SLC22A3: variants seen among roughly 807,000 people sequenced by gnomAD.
SLC22A3 encodes solute carrier family 22 member 3.
In SLC22A3, 51 loss-of-function variants were observed where a neutral mutation model predicts 59.1. The ratio of observed to expected loss-of-function variants is 0.86; its 90% CI spans 0.69 to 1.09. SLC22A3 has a LOEUF of 1.09. Ranked by LOEUF, SLC22A3 falls within the 50% of genes least tolerant of loss-of-function variation. SLC22A3 has a pLI of 0.00. For missense variants in SLC22A3, 711 were observed against 726.3 expected (o/e 0.98, Z 0.24); for synonymous variants, 325 against 292.0 (o/e 1.11, Z -1.15).
intron 8 of SLC22A3, 125 bp from the exon 9 acceptor site, chr6:160,443,505 T>C: frequency 2.8e-6 from 2 of 709,282 alleles, no homozygotes; most frequent in East Asian, 5.4e-5. Context: ...GTAGTCGTTT[T>C]CAAAGTTAGA....
At chr6:160,390,806 G>A (rs967025251) in intron 1 of SLC22A3, among the ~76,000 whole-genome samples, 3 of 152,144 alleles carry the variant, frequency 2.0e-5, no homozygotes, top group Non-Finnish European at 4.4e-5. Context: ...CCAGAAACTG[G>A]GTGGTTTCAG....
intron 9 of SLC22A3, among the ~76,000 whole-genome samples, chr6:160,444,635 C>T (rs572264036): frequency 3.9e-4 from 60 of 152,338 alleles, no homozygotes; most frequent in African/African-American, 1.4e-3. Context: ...TCCAGGGCTG[C>T]TCCAACGGTC....
At chr6:160,359,914 CT>C (rs1205390823) in intron 1 of SLC22A3, among the ~76,000 whole-genome samples, 2 of 152,106 alleles carry the variant, frequency 1.3e-5, no homozygotes, top group Non-Finnish European at 2.9e-5. Context: ...ATTATGACTC[CT>C]TTTTTGGATT....
At chr6:160,448,773 T>C (rs1276663332) in intron 10 of SLC22A3, among the ~76,000 whole-genome samples, 1 of 152,150 alleles carries the variant, frequency 6.6e-6, no homozygotes, top group Non-Finnish European at 1.5e-5. Flanking sequence ...GTGCCCTCTG[T>C]GGACACAAAT....
At chr6:160,413,203 A>G (rs1053935351) in intron 5 of SLC22A3, among the ~76,000 whole-genome samples, 3 of 152,150 alleles carry the variant, frequency 2.0e-5, no homozygotes, top group African/African-American at 7.2e-5. Flanking sequence ...CTGCTGTTAC[A>G]CATCCCATGA....
chr6:160,389,913 A>G (rs1786181401), intron 1 of SLC22A3, among the ~76,000 whole-genome samples: 1 of 152,182 alleles, frequency 6.6e-6, no homozygotes, highest in Non-Finnish European at 1.5e-5. Flanking sequence ...AGTGAAGTCT[A>G]ACGTGGTTGG....
rs1786586497 is a variant in SLC22A3 at position 160,398,091 on chromosome 6, C to A, written c.533+9C>A. ...GGCTATGCAGCAGACAGGTAGGTAC[C>A]AATGTGACAGCCATTTTATGTCACT... On this transcript the variant is annotated intron_variant, in intron 2 of 10. Coordinates refer to ENST00000275300, the MANE Select transcript of SLC22A3 (RefSeq NM_021977.4). 5.7e-6 allele frequency: 9 copies of A among 1,592,192 alleles called. No homozygotes were observed. In the East Asian group the frequency reaches 6.7e-5, roughly 12 times the overall value.
At chr6:160,408,159 T>C (rs1165342343) in intron 3 of SLC22A3, among the ~76,000 whole-genome samples, 1 of 152,092 alleles carries the variant, frequency 6.6e-6, no homozygotes, top group African/African-American at 2.4e-5. Context: ...GAGAAACCAA[T>C]TAGTGGGAAG....
In SLC22A3 at chr6:160,351,003, G is replaced by T. The variant is rs943499415; in HGVS notation, c.429+2155G>T. Among the ~76,000 whole-genome samples, 10 of 152,184 alleles carry T rather than the reference G, an allele frequency of 6.6e-5. 1 individual carries two copies. The East Asian group carries it at 1.9e-3, about 29-fold the overall frequency. On this transcript the variant is annotated intron_variant, in intron 1 of 10. Transcript: ENST00000275300. ...TCACCACCTGGTTACTGTTTGGTGT[G>T]CCCAGAACAATGATTAAAAAGTCTT...
intron 1 of SLC22A3, among the ~76,000 whole-genome samples, chr6:160,375,372 T>C (rs948015274): frequency 5.9e-5 from 9 of 152,306 alleles, no homozygotes; most frequent in South Asian, 2.1e-4. Flanking sequence ...AACCTTCTCT[T>C]CTTTGCAAAG....
At chr6:160,405,812 A>T (rs1583483825) in intron 2 of SLC22A3, among the ~76,000 whole-genome samples, 1 of 152,244 alleles carries the variant, frequency 6.6e-6, no homozygotes, top group East Asian at 1.9e-4. Flanking sequence ...AAATGAAGAA[A>T]CTGATCTGGA....
chr6:160,357,191 T>G (rs1784871106), intron 1 of SLC22A3, among the ~76,000 whole-genome samples: 1 of 152,164 alleles, frequency 6.6e-6, no homozygotes, highest in Non-Finnish European at 1.5e-5. Context: ...GCTTTCAAAT[T>G]CAGTCCTGGG....
chr6:160,368,394 C>T (rs1170095311), intron 1 of SLC22A3, among the ~76,000 whole-genome samples: 2 of 152,140 alleles, frequency 1.3e-5, no homozygotes, highest in Non-Finnish European at 2.9e-5. Context: ...TTCCACCTGC[C>T]TACCACACCC....
At chr6:160,397,335 C>A (rs1363358091) in intron 1 of SLC22A3, among the ~76,000 whole-genome samples, 1 of 151,944 alleles carries the variant, frequency 6.6e-6, no homozygotes, top group Non-Finnish European at 1.5e-5. Context: ...GCTCGTGGCC[C>A]ACTACTGCTC....
intron 10 of SLC22A3, 33 bp from the exon 11 acceptor site, chr6:160,450,963 C>A (rs1285697861): frequency 1.3e-6 from 2 of 1,560,228 alleles, no homozygotes; most frequent in Admixed American, 1.8e-5. Context: ...GTTACATAAT[C>A]TTTCCTAAAG....
chr6:160,438,320 C>A (rs1321913981), intron 7 of SLC22A3, among the ~76,000 whole-genome samples: 2 of 152,050 alleles, frequency 1.3e-5, no homozygotes, highest in African/African-American at 2.4e-5. Context: ...AGAGCAAGTT[C>A]ATCATTCCCC....
intron 5 of SLC22A3, among the ~76,000 whole-genome samples, chr6:160,433,842 G>A (rs1193701623): frequency 6.6e-6 from 1 of 152,168 alleles, no homozygotes; most frequent in Non-Finnish European, 1.5e-5. Context: ...GAGTGAATTT[G>A]TTCACACTCA....
In SLC22A3 at chr6:160,350,433, C is replaced by G. The variant is rs506823; in HGVS notation, c.429+1585C>G. Among the ~76,000 whole-genome samples the G allele has an allele frequency of 1.1e-3, 163 of 151,968 alleles. 1 individual carries two copies. The highest frequency in any genetic ancestry group is 3.5e-3 in the African/African-American group (147 of 41,438). ...GGACTGCTTTATAATTGGTGATGGTCTGGTTAGAGATTTCACAGTTGAAAG... is the reference window on the plus strand; with the variant it reads ...GGACTGCTTTATAATTGGTGATGGTGTGGTTAGAGATTTCACAGTTGAAAG... On this transcript the variant is annotated intron_variant, in intron 1 of 10. Transcript: ENST00000275300.
At chr6:160,425,193 G>A (rs1193356937) in intron 5 of SLC22A3, among the ~76,000 whole-genome samples, 2 of 152,164 alleles carry the variant, frequency 1.3e-5, no homozygotes, top group African/African-American at 2.4e-5. Flanking sequence ...AACAGGTTGA[G>A]TATTAAATTA....
Sources: allele counts gnomAD v4.1 joint callset (sites outside exome capture counted in the v4.1 genomes callset), GRCh38; gene constraint gnomAD v4.1.1; transcripts MANE v1.5; gene names NCBI Gene and HGNC (gene_info 2026-07-23, HGNC 2026-07-21).